CCDC88C: variants seen among roughly 807,000 people sequenced by gnomAD.
CCDC88C encodes the protein protein Daple.
In CCDC88C, 131 loss-of-function variants were observed where a neutral mutation model predicts 198.8. The observed-to-expected ratio is 0.66, with a 90% CI of 0.57 to 0.76. The LOEUF is 0.76. Ranked by LOEUF, CCDC88C falls within the 30% of genes least tolerant of loss-of-function variation. The pLI, the probability that CCDC88C is intolerant of heterozygous loss-of-function variation, is 0.00. For missense variants in CCDC88C, 2,553 were observed against 2,631.6 expected, an observed-to-expected ratio of 0.97 and a Z score of 0.65; for synonymous variants, 1,166 against 1,114.7, an observed-to-expected ratio of 1.05 and a Z score of -0.92.
At chr14:91,285,379 C>G (rs529376564) in intron 25 of CCDC88C, 48 of 452,738 alleles carry the variant, frequency 1.1e-4, no homozygotes, top group Admixed American at 9.6e-4. Flanking sequence ...GAGGGGGGCA[C>G]GGCCACTCGA....
At chr14:91,360,220 C>A (rs1051499882) in intron 3 of CCDC88C, among the ~76,000 whole-genome samples, 19 of 150,070 alleles carry the variant, frequency 1.3e-4, no homozygotes, top group African/African-American at 4.7e-4. Flanking sequence ...GATTTCGAGA[C>A]CAAGCCTGGG....
Position 91,339,097 on chromosome 14 carries a change from C to A in CCDC88C, c.809+181G>T. 1 of 720,816 alleles carries A rather than the reference C, an allele frequency of 1.4e-6. No individual in the cohort carries two copies. Among genetic ancestry groups the A allele is most frequent in the Non-Finnish European group, 2.4e-6 (1 of 409,102 alleles). The allele number at this position is 720,816 out of a possible 1,614,324, so 44.7% of individuals were successfully genotyped here. A position where few individuals can be genotyped will look rare whatever the true frequency, so the allele number is the denominator to read the frequency against. On this transcript the variant is annotated intron_variant, in intron 8 of 29. Coordinates refer to ENST00000389857, the MANE Select transcript of CCDC88C (RefSeq NM_001080414.4). This position sits in a 1 kb window ranked among gnomAD's most constrained non-coding sequence, Gnocchi z 5.8. The stretch of plus-strand genomic sequence containing the variant: ...AAGAATCCCCGCCCCCATCCCTGTG[C>A]AGGCCTCAGAAGGGGAGGCAGCTAG...
In CCDC88C at chr14:91,297,471, T is replaced by G; in HGVS notation, c.3800A>C (p.Gln1267Pro). The G allele has an allele frequency of 6.4e-7, 1 of 1,561,478 alleles. No individual in the cohort carries two copies. Among genetic ancestry groups the G allele is most frequent in the Non-Finnish European group, 8.7e-7 (1 of 1,152,470 alleles). Residue 1267 changes from glutamine to proline, a missense_variant, in exon 22 of 30, where the codon CAG becomes CCG. Gln to Pro is a moderately conservative substitution (Grantham distance 76, BLOSUM62 -1). Around this residue, in one of 2 missense-constraint regions of CCDC88C, gnomAD observed 1,293 missense variants for 1,219.6 expected, o/e 1.06. Coordinates refer to ENST00000389857, the MANE Select transcript of CCDC88C (RefSeq NM_001080414.4). ...CAGCTCCTCGTACTCCCCCTTCAGCTGGTGGTGCAGGAAATTGACCCTGGA... is the reference window on the plus strand; with the variant it reads ...CAGCTCCTCGTACTCCCCCTTCAGCGGGTGGTGCAGGAAATTGACCCTGGA... The part of the protein sequence containing the change: ...ELDRVNFLHH[Q>P]LKGEYEELHA...
In CCDC88C at chr14:91,273,375, C is replaced by T. The variant is rs1259273348; in HGVS notation, c.5337G>A (p.Leu1779=). 12 of 1,531,676 alleles carry T rather than the reference C, an allele frequency of 7.8e-6. No homozygotes were observed. Among genetic ancestry groups the T allele is most frequent in the Non-Finnish European group, 1.1e-5 (12 of 1,138,872 alleles). 94.9% of individuals were successfully genotyped at this position (1,531,676 alleles called of 1,614,324 possible). A position where few individuals can be genotyped will look rare whatever the true frequency, so the allele number is the denominator to read the frequency against. ...GCACCGGAGCCTGCCGGGGTCTGCC[C>T]AGAGACAGGCTCTGGGGAGGCTGGG... ...RQAQPPQSLS[L]GRPRQAPVPP... The change falls in exon 30 of 30, where the codon CTG becomes CTA. Residue 1779 remains leucine (L), a synonymous_variant. Coordinates refer to ENST00000389857, the MANE Select transcript of CCDC88C (RefSeq NM_001080414.4). The surrounding 1 kb of genome is among the most constrained non-coding windows in gnomAD (Gnocchi z 5.6).
rs186499974 is a variant in CCDC88C at position 91,339,836 on chromosome 14, G to A, written c.624+48C>T. ...AGATGAAGGGAGAGGAGATGAAGGG[G>A]CCTAAGCCCCTTCCCAGGCTGACCG... On this transcript the variant is annotated intron_variant, in intron 7 of 29. Coordinates refer to ENST00000389857, the MANE Select transcript of CCDC88C (RefSeq NM_001080414.4). This position sits in a 1 kb window ranked among gnomAD's most constrained non-coding sequence, Gnocchi z 5.8. The A allele has an allele frequency of 4.6e-6, 7 of 1,535,514 alleles. No individual in the cohort carries two copies. Among genetic ancestry groups the A allele is most frequent in the Non-Finnish European group, 5.3e-6 (6 of 1,139,416 alleles).
intron 3 of CCDC88C, among the ~76,000 whole-genome samples, chr14:91,375,809 T>G (rs1596129680): frequency 6.6e-6 from 1 of 151,918 alleles, no homozygotes; most frequent in South Asian, 2.1e-4. Flanking sequence ...TCAGGGCGAG[T>G]GGGGGGCAAA....
At chr14:91,394,631 AT>A (rs1324911391) in intron 3 of CCDC88C, among the ~76,000 whole-genome samples, 2 of 152,194 alleles carry the variant, frequency 1.3e-5, no homozygotes, top group Non-Finnish European at 2.9e-5. Flanking sequence ...CGGCAGACAC[AT>A]TTCCATGCTG....
intron 2 of CCDC88C, among the ~76,000 whole-genome samples, chr14:91,409,416 C>T (rs1305447470): frequency 6.6e-6 from 1 of 151,084 alleles, no homozygotes; most frequent in Non-Finnish European, 1.5e-5. Context: ...CTCAAGCCAT[C>T]CTCCTGCCTC....
chr14:91,276,819 G>A (rs1461809805), intron 29 of CCDC88C, among the ~76,000 whole-genome samples: 1 of 152,234 alleles, frequency 6.6e-6, no homozygotes, highest in East Asian at 1.9e-4. Flanking sequence ...AGACGTATGT[G>A]CAGCTTCAAA....
chr14:91,385,401 G>A (rs903303219), intron 3 of CCDC88C, among the ~76,000 whole-genome samples: 4 of 150,388 alleles, frequency 2.7e-5, no homozygotes, highest in Non-Finnish European at 3.0e-5. Context: ...GCACCCTGAC[G>A]CATATTACGA....
chr14:91,279,697 G>A (rs910554870), intron 27 of CCDC88C: 5 of 169,864 alleles, frequency 2.9e-5, no homozygotes, highest in Non-Finnish European at 6.3e-5. Context: ...AGAGCTTTCT[G>A]GAACACATGT....
chr14:91,293,506 CGGCCT>C lies in CCDC88C; in HGVS notation c.4112+662_4112+666del, dbSNP rs1567055581. Among the ~76,000 whole-genome samples the C allele has an allele frequency of 3.5e-3, 430 of 121,510 alleles. 76 individuals carry two copies. The highest frequency in any genetic ancestry group is 5.6e-3 in the East Asian group (23 of 4,136). The allele number at this position is 121,510 out of a possible 152,430, so 79.7% of individuals were successfully genotyped here. A position where few individuals can be genotyped will look rare whatever the true frequency, so the allele number is the denominator to read the frequency against. The stretch of plus-strand genomic sequence containing the variant: ...CTCACCTTCCCATCCTCACCTGCCA[CGGCCT>C]ACCTTCCTGTCCCCTCACCTGCCAC... On this transcript the variant is annotated intron_variant, in intron 23 of 29. Transcript: ENST00000389857.
chr14:91,306,205 GCTTTC>G lies in CCDC88C; in HGVS notation c.3196-284_3196-280del, dbSNP rs550176552. Among the ~76,000 whole-genome samples, 397 of 152,296 alleles carry G rather than the reference GCTTTC, an allele frequency of 2.6e-3. 3 individuals are homozygous for G. Among genetic ancestry groups the G allele is most frequent in the Non-Finnish European group, 1.4e-3 (94 of 68,028 alleles). On this transcript the variant is annotated intron_variant, in intron 18 of 29. Coordinates refer to ENST00000389857, the MANE Select transcript of CCDC88C (RefSeq NM_001080414.4). Reference sequence around the variant, plus strand: ...AAGCTGCTTCCTTTGTCTCTTTAATGCTTTCCTTTGTTTTCTGTTGAACACCCTAA... The same window carrying G: ...AAGCTGCTTCCTTTGTCTCTTTAATGCTTTGTTTTCTGTTGAACACCCTAA...
At position 91,377,795 on chromosome 14, in the gene CCDC88C, C is replaced by T. The variant is rs762170248; in HGVS notation, c.271-18084G>A. On this transcript the variant is annotated intron_variant, in intron 3 of 29. Transcript: ENST00000389857. ...CCAGTGCTGGGTGTCAGGGACCAGT[C>T]TCTGTCTGGTTGCCCCTCTGTGGGG... 4.6e-5 allele frequency among the ~76,000 whole-genome samples: 7 copies of T among 152,326 alleles called. 1 individual carries two copies. The East Asian group carries it at 1.4e-3, about 29-fold the overall frequency.
Position 91,303,589 on chromosome 14 carries a change from G to A in CCDC88C, c.3635+112C>T, listed in dbSNP as rs1276568897. 6 of 1,088,340 alleles carry A rather than the reference G, an allele frequency of 5.5e-6. No individual in the cohort carries two copies. In the Admixed American group the frequency reaches 9.3e-5, roughly 17 times the overall value. The allele number at this position is 1,088,340 out of a possible 1,614,324, so 67.4% of individuals were successfully genotyped here. A position where few individuals can be genotyped will look rare whatever the true frequency, so the allele number is the denominator to read the frequency against. On this transcript the variant is annotated intron_variant, in intron 20 of 29. Coordinates refer to ENST00000389857, the MANE Select transcript of CCDC88C (RefSeq NM_001080414.4). Reference sequence around the variant, plus strand: ...GCTCCACCCATCTTCCCCAGGCCCTGCCTCTCCCCTAGGTCCCACCCATCT... The same window carrying A: ...GCTCCACCCATCTTCCCCAGGCCCTACCTCTCCCCTAGGTCCCACCCATCT...
chr14:91,326,659 T>C (rs1263944327), intron 10 of CCDC88C, among the ~76,000 whole-genome samples: 2 of 152,320 alleles, frequency 1.3e-5, no homozygotes, highest in African/African-American at 2.4e-5. Flanking sequence ...CCTGAGCCCA[T>C]TTCCTTAACA....
Position 91,277,994 on chromosome 14 carries a change from C to T in CCDC88C, c.4986G>A (p.Ser1662=), listed in dbSNP as rs372295335. 457 of 1,570,536 alleles carry T rather than the reference C, an allele frequency of 2.9e-4. No homozygotes were observed. Among genetic ancestry groups the T allele is most frequent in the Middle Eastern group, 6.7e-4 (4 of 5,998 alleles). Residue 1662 remains serine, a synonymous_variant, in exon 29 of 30, where the codon TCG becomes TCA. Transcript: ENST00000389857. ...APPYVGVRPC[S]ASPSSEMVTL... ...TGACCATCTCACTGCTGGGGGAGGC[C>T]GAGCAGGGCCGCACTCCGACGTAGG...
At chr14:91,344,792 C>T (rs1214863271) in intron 4 of CCDC88C, among the ~76,000 whole-genome samples, 1 of 151,810 alleles carries the variant, frequency 6.6e-6, no homozygotes, top group Non-Finnish European at 1.5e-5. Flanking sequence ...AGCCACCGCG[C>T]CCGGCCCCTT....
intron 28 of CCDC88C, 97 bp downstream of exon 28, chr14:91,279,141 C>T (rs538304756): frequency 1.0e-6 from 1 of 958,958 alleles, no homozygotes; most frequent in South Asian, 1.4e-5. Flanking sequence ...CTCAAGCGAT[C>T]CACCTGCTTG....
Sources: allele counts gnomAD v4.1 joint callset (sites outside exome capture counted in the v4.1 genomes callset), GRCh38; gene constraint gnomAD v4.1.1; regional missense constraint gnomAD v4.1.1; non-coding constraint Gnocchi (gnomAD v3.1); transcripts MANE v1.5; gene names NCBI Gene and HGNC (gene_info 2026-07-23, HGNC 2026-07-21).